The following EFR3B variants were observed in gnomAD, a reference collection of about 807,000 sequenced individuals.
The protein encoded by EFR3B is EFR3 homolog B, also known as protein EFR3 homolog B.
A neutral mutation model predicts 104.7 loss-of-function variants in EFR3B; 64 were observed. The ratio of observed to expected loss-of-function variants is 0.61; its 90% CI spans 0.50 to 0.75. EFR3B has a LOEUF of 0.75. Ranked by LOEUF, EFR3B falls within the 30% of genes least tolerant of loss-of-function variation. EFR3B has a pLI of 0.00. For synonymous variants in EFR3B, 385 were observed against 417.9 expected (o/e 0.92, Z 0.96); for missense variants, 750 against 1,078.5 (o/e 0.70, Z 4.27).
intron 1 of EFR3B, among the ~76,000 whole-genome samples, chr2:25,052,214 A>G (rs1039866963): frequency 4.0e-5 from 6 of 151,886 alleles, no homozygotes; most frequent in Non-Finnish European, 8.8e-5. Context: ...AAAAATAAAT[A>G]AATAAATAAA....
intron 4 of EFR3B, among the ~76,000 whole-genome samples, chr2:25,113,128 G>A (rs867457049): frequency 6.6e-6 from 1 of 152,128 alleles, no homozygotes; most frequent in African/African-American, 2.4e-5. Context: ...ATCTTGAAAG[G>A]GTGGCCCTAG....
intron 6 of EFR3B, 96 bp from the exon 7 acceptor site, chr2:25,129,878 CT>C: frequency 6.8e-7 from 1 of 1,462,550 alleles, no homozygotes; most frequent in Non-Finnish European, 9.1e-7. Context: ...CAAATTCCTG[CT>C]TGTCTTGTGT....
intron 1 of EFR3B, among the ~76,000 whole-genome samples, chr2:25,053,761 G>C (rs1263908383): frequency 1.3e-5 from 2 of 152,166 alleles, no homozygotes; most frequent in Non-Finnish European, 2.9e-5. Context: ...ACAAAAATTG[G>C]CTGGGCATGG....
In EFR3B at chr2:25,092,403, T is replaced by TACAC. The variant is rs35598238; in HGVS notation, c.85-583_85-580dup. Among the ~76,000 whole-genome samples the TACAC allele has an allele frequency of 4.2e-3, 605 of 143,260 alleles. 4 individuals carry two copies. Among genetic ancestry groups the TACAC allele is most frequent in the African/African-American group, 0.014 (529 of 38,902 alleles). The allele number at this position is 143,260 out of a possible 152,430, so 94.0% of individuals were successfully genotyped here. On this transcript the variant is annotated intron_variant, in intron 2 of 22. Transcript: ENST00000403714. ...TTAATGATGCTGTATCATCCATTCC[T>TACAC]ACACACACACACACACACACTTACA...
At chr2:25,098,452 C>A (rs1032440790) in intron 3 of EFR3B, among the ~76,000 whole-genome samples, 1 of 152,172 alleles carries the variant, frequency 6.6e-6, no homozygotes, top group African/African-American at 2.4e-5. Context: ...TGTACCTCTT[C>A]CAGGACACCC....
intron 2 of EFR3B, among the ~76,000 whole-genome samples, chr2:25,092,343 C>G (rs927090650): frequency 6.7e-6 from 1 of 148,840 alleles, no homozygotes; most frequent in Admixed American, 6.7e-5. Context: ...GCTGGGATTA[C>G]AGGCGTGAGC....
In EFR3B at chr2:25,114,154, A is replaced by G. The variant is rs1242081412; in HGVS notation, c.364-7519A>G. On this transcript the variant is annotated intron_variant, in intron 4 of 22. Coordinates refer to ENST00000403714, the MANE Select transcript of EFR3B (RefSeq NM_014971.2). This position sits in a 1 kb window ranked among gnomAD's most constrained non-coding sequence, Gnocchi z 4.0. ...TCCTTTGACCAGGGCCCCCGGGAAAAACCCCATCAGACCCTCTGAATCACT... is the reference window on the plus strand; with the variant it reads ...TCCTTTGACCAGGGCCCCCGGGAAAGACCCCATCAGACCCTCTGAATCACT... 1.3e-5 allele frequency among the ~76,000 whole-genome samples: 2 copies of G among 152,072 alleles called. No homozygotes were observed. Among genetic ancestry groups the G allele is most frequent in the Admixed American group, 1.3e-4 (2 of 15,252 alleles).
At chr2:25,151,370 C>T (rs956368061) in intron 20 of EFR3B, among the ~76,000 whole-genome samples, 1 of 152,166 alleles carries the variant, frequency 6.6e-6, no homozygotes. Flanking sequence ...ATCCTCCTGC[C>T]TCAGCCTCCC....
At chr2:25,069,845 C>T (rs181404128) in intron 1 of EFR3B, among the ~76,000 whole-genome samples, 7 of 152,088 alleles carry the variant, frequency 4.6e-5, no homozygotes, top group African/African-American at 1.4e-4. Flanking sequence ...TACAGGCATG[C>T]GCCACCACGC....
chr2:25,073,303 G>C (rs558440029), intron 1 of EFR3B, among the ~76,000 whole-genome samples: 1 of 151,722 alleles, frequency 6.6e-6, no homozygotes, highest in African/African-American at 2.4e-5. Flanking sequence ...ATTCCAAGGC[G>C]TGCTCTCTCT....
chr2:25,126,737 A>G (rs1248344764), intron 5 of EFR3B, among the ~76,000 whole-genome samples: 2 of 151,718 alleles, frequency 1.3e-5, no homozygotes, highest in Non-Finnish European at 2.9e-5. Context: ...CTCAAGCTAT[A>G]TACTGGCCTT....
rs1452388642 is a variant in EFR3B, at chr2:25,130,625, A to G, written c.844A>G (p.Ile282Val). 3 of 1,551,402 alleles carry G rather than the reference A, an allele frequency of 1.9e-6. No individual in the cohort carries two copies. Among genetic ancestry groups the G allele is most frequent in the Non-Finnish European group, 2.6e-6 (3 of 1,146,916 alleles). Residue 282 changes from isoleucine to valine, a missense_variant, in exon 8 of 23, where the codon ATT becomes GTT. By Grantham distance (29) the Ile-to-Val change is conservative. Coordinates refer to ENST00000403714, the MANE Select transcript of EFR3B (RefSeq NM_014971.2). This position sits in a 1 kb window ranked among gnomAD's most constrained non-coding sequence, Gnocchi z 4.6. ...IRCFKIIMYS[I>V]QPQHSHLVIQ... ...TTGCTTTAAAATCATCATGTACTCA[A>G]TTCAGGTATGGTGGCTCCCCTGGGC...
chr2:25,060,963 A>T (rs1668177106), intron 1 of EFR3B, among the ~76,000 whole-genome samples: 1 of 151,796 alleles, frequency 6.6e-6, no homozygotes, highest in African/African-American at 2.4e-5. Flanking sequence ...AAAACCAAAA[A>T]ACTAGCCACT....
chr2:25,063,971 G>T (rs1274855626), intron 1 of EFR3B, among the ~76,000 whole-genome samples: 1 of 152,204 alleles, frequency 6.6e-6, no homozygotes, highest in Admixed American at 6.5e-5. Context: ...CCCATGCGCG[G>T]TAGAGCTGCT....
At chr2:25,066,115 C>T (rs1338111945) in intron 1 of EFR3B, among the ~76,000 whole-genome samples, 3 of 152,022 alleles carry the variant, frequency 2.0e-5, no homozygotes, top group African/African-American at 7.2e-5. Context: ...GATATCCCCC[C>T]ACCTCCCCAC....
chr2:25,121,887 G>A (rs1339609568), intron 5 of EFR3B, 93 bp downstream of exon 5: 5 of 1,503,306 alleles, frequency 3.3e-6, no homozygotes, highest in Middle Eastern at 3.6e-4. Flanking sequence ...TTGCGTGTCT[G>A]CTTTTGTTAG....
At position 25,130,781 on chromosome 2, in the gene EFR3B, A is replaced by C. The variant is rs1378818449; in HGVS notation, c.849+151A>C. On this transcript the variant is annotated intron_variant, in intron 8 of 22. Coordinates refer to ENST00000403714, the MANE Select transcript of EFR3B (RefSeq NM_014971.2). This position sits in a 1 kb window ranked among gnomAD's most constrained non-coding sequence, Gnocchi z 4.6. ...GTGCTGCTTAAGCTAGCTGTGGAGA[A>C]GGGCCGGCTGATTTTATTTCCAGTA... Among the ~76,000 whole-genome samples the C allele has an allele frequency of 6.6e-6, 1 of 152,246 alleles. No individual in the cohort carries two copies. Among genetic ancestry groups the C allele is most frequent in the African/African-American group, 2.4e-5 (1 of 41,468 alleles).
chr2:25,080,841 C>T, intron 1 of EFR3B: 1 of 876,918 alleles, frequency 1.1e-6, no homozygotes, highest in South Asian at 1.3e-5. Flanking sequence ...GGATTTATTT[C>T]TTATCATGGT....
chr2:25,141,040 CAAAAAAAA>C (rs78559860), intron 16 of EFR3B, among the ~76,000 whole-genome samples: 2 of 74,422 alleles, frequency 2.7e-5, no homozygotes, highest in African/African-American at 1.2e-4. Flanking sequence ...GACTCCGTCT[CAAAAAAAA>C]AAAAAAAAAA....
Sources: gnomAD v4.1 joint callset for allele counts (sites outside exome capture counted in the v4.1 genomes callset) on GRCh38, gnomAD v4.1.1 for gene constraint, Gnocchi (gnomAD v3.1) non-coding constraint, MANE v1.5 for transcripts, NCBI Gene and HGNC (gene_info 2026-07-23, HGNC 2026-07-21) for gene names.